KHDRBS2: variants seen among roughly 807,000 people sequenced by gnomAD.
KHDRBS2 encodes KH RNA binding domain containing, signal transduction associated 2.
A neutral mutation model predicts 44.3 loss-of-function variants in KHDRBS2; 26 were observed. The ratio of observed to expected loss-of-function variants is 0.59; its 90% confidence interval spans 0.43 to 0.81. KHDRBS2 has a LOEUF of 0.81. Among genes scored for constraint, KHDRBS2 ranks in the 40% least tolerant of loss-of-function variants. The pLI is 0.00. For synonymous variants in KHDRBS2, 194 were observed against 151.1 expected (o/e 1.28, Z -2.08); for missense variants, 476 against 433.1 (o/e 1.10, Z -0.88).
At chr6:62,133,545 G>A (rs1259910468) in intron 2 of KHDRBS2, among the ~76,000 whole-genome samples, 1 of 152,158 alleles carries the variant, frequency 6.6e-6, no homozygotes, top group Non-Finnish European at 1.5e-5. Context: ...AAGACAGTAA[G>A]TTGGTACCAG....
chr6:62,059,794 T>A (rs1187719353), intron 2 of KHDRBS2, among the ~76,000 whole-genome samples: 2 of 151,518 alleles, frequency 1.3e-5, no homozygotes, highest in East Asian at 2.0e-4. Flanking sequence ...AAGGATAGCA[T>A]AGGAAAGAAA....
chr6:62,170,030 C>T (rs1819682396), intron 2 of KHDRBS2, among the ~76,000 whole-genome samples: 1 of 151,684 alleles, frequency 6.6e-6, no homozygotes, highest in Non-Finnish European at 1.5e-5. Flanking sequence ...CTTCACCTAC[C>T]CCAAACACTG....
At chr6:61,572,721 A>C in the KHDRBS2 span, among the ~76,000 whole-genome samples, 1 of 152,222 alleles carries the variant, frequency 6.6e-6, no homozygotes, top group East Asian at 1.9e-4. Context: ...AGTAAAAGTC[A>C]TGATCATTTT....
chr6:61,724,856 G>C (rs1331146440), intron 7 of KHDRBS2, among the ~76,000 whole-genome samples: 1 of 152,084 alleles, frequency 6.6e-6, no homozygotes, highest in Non-Finnish European at 1.5e-5. Context: ...CCATACAATA[G>C]TAGTGGGAGA....
chr6:61,805,447 G>T (rs1562217645), intron 6 of KHDRBS2, among the ~76,000 whole-genome samples: 2 of 152,110 alleles, frequency 1.3e-5, no homozygotes, highest in Non-Finnish European at 2.9e-5. Context: ...TCCAACCTCT[G>T]CCTGTTACTC....
chr6:62,099,195 T>G (rs751932719), intron 2 of KHDRBS2, among the ~76,000 whole-genome samples: 22 of 152,184 alleles, frequency 1.4e-4, no homozygotes, highest in Non-Finnish European at 2.2e-4. Context: ...ATGTTCTTAA[T>G]GCTTATGAGT....
chr6:61,798,463 C>T (rs147913718), intron 6 of KHDRBS2, among the ~76,000 whole-genome samples: 6 of 152,088 alleles, frequency 3.9e-5, no homozygotes, highest in East Asian at 1.9e-4. Context: ...TAATTAGTCA[C>T]GGTCAGTTTG....
intron 3 of KHDRBS2, among the ~76,000 whole-genome samples, chr6:62,002,850 G>C (rs1778510314): frequency 6.6e-6 from 1 of 151,486 alleles, no homozygotes; most frequent in Non-Finnish European, 1.5e-5. Flanking sequence ...TATCCTACAT[G>C]TTAAGTTAAA....
intron 6 of KHDRBS2, among the ~76,000 whole-genome samples, chr6:61,826,175 A>G (rs1381904544): frequency 1.3e-5 from 2 of 152,068 alleles, no homozygotes; most frequent in Admixed American, 6.6e-5. Flanking sequence ...TTTTATGGGC[A>G]TATTTTAGGT....
intron 2 of KHDRBS2, among the ~76,000 whole-genome samples, chr6:62,172,698 GAAAAAAAAAA>G (rs33984802): frequency 2.7e-5 from 2 of 73,464 alleles, no homozygotes; most frequent in African/African-American, 1.1e-4. Context: ...CCAGCAAACT[GAAAAAAAAAA>G]AAAAAAAAAA....
chr6:62,064,042 A>G (rs2127332361), intron 2 of KHDRBS2, among the ~76,000 whole-genome samples: 1 of 143,708 alleles, frequency 7.0e-6, no homozygotes, highest in South Asian at 2.3e-4. Flanking sequence ...TGCTTCAAAG[A>G]GAATAAAATA....
intron 6 of KHDRBS2, among the ~76,000 whole-genome samples, chr6:61,845,523 A>T (rs1013379138): frequency 1.3e-5 from 2 of 152,074 alleles, no homozygotes; most frequent in Non-Finnish European, 2.9e-5. Context: ...GTTGGCCAGG[A>T]TGGTCTCGAT....
At chr6:62,066,555 C>A (rs1254620074) in intron 2 of KHDRBS2, among the ~76,000 whole-genome samples, 2 of 151,534 alleles carry the variant, frequency 1.3e-5, no homozygotes, top group East Asian at 3.9e-4. Flanking sequence ...TCACATAAGT[C>A]TCTTGTATGT....
At chr6:62,038,257 C>T (rs975144317) in intron 3 of KHDRBS2, among the ~76,000 whole-genome samples, 1 of 151,954 alleles carries the variant, frequency 6.6e-6, no homozygotes. Context: ...TGAACCCATA[C>T]ACCCAGAAAA....
intron 1 of KHDRBS2, among the ~76,000 whole-genome samples, chr6:62,268,090 T>A (rs1461521977): frequency 6.6e-6 from 1 of 152,098 alleles, no homozygotes; most frequent in Admixed American, 6.6e-5. Flanking sequence ...AATTTTGTAT[T>A]GCTTGATAGC....
intron 7 of KHDRBS2, among the ~76,000 whole-genome samples, chr6:61,700,048 A>G (rs1768404621): frequency 6.6e-6 from 1 of 151,914 alleles, no homozygotes; most frequent in Admixed American, 6.6e-5. Flanking sequence ...GAGAGTTGTT[A>G]AATTGATTCC....
chr6:62,005,365 A>G (rs1584102192), intron 3 of KHDRBS2, among the ~76,000 whole-genome samples: 2 of 152,170 alleles, frequency 1.3e-5, no homozygotes, highest in South Asian at 4.1e-4. Context: ...TGTCATCATT[A>G]TTTTGAAGCC....
At chr6:61,560,397 T>C in the KHDRBS2 span, among the ~76,000 whole-genome samples, 1 of 152,160 alleles carries the variant, frequency 6.6e-6, no homozygotes, top group African/African-American at 2.4e-5. Context: ...ATAAACTTCC[T>C]ACCCCTATCT....
chr6:62,201,458 G>A (rs1341818961), intron 1 of KHDRBS2, among the ~76,000 whole-genome samples: 1 of 152,018 alleles, frequency 6.6e-6, no homozygotes, highest in Non-Finnish European at 1.5e-5. Context: ...TTTTATGACT[G>A]TGCATAAATG....
Sources: allele counts gnomAD v4.1 joint callset (sites outside exome capture counted in the v4.1 genomes callset), GRCh38; gene constraint gnomAD v4.1.1; transcripts MANE v1.5; gene names NCBI Gene and HGNC (gene_info 2026-07-23, HGNC 2026-07-21).